The following RPL6 variants were observed in gnomAD, a reference collection of about 807,000 sequenced individuals.
RPL6 encodes the protein large ribosomal subunit protein eL6.
Under a neutral mutation model 32.1 loss-of-function variants are expected in RPL6, and 1 was observed. The observed-to-expected ratio is 0.03, with a 90% CI of 0.01 to 0.15. The LOEUF is 0.15. RPL6 is among the 10% of genes least tolerant of loss of function. RPL6 has a pLI of 1.00. For synonymous variants in RPL6, 126 were observed against 131.6 expected (o/e 0.96, Z 0.29); for missense variants, 275 against 354.6 (o/e 0.78, Z 1.80).
rs755018845 is a variant in RPL6, at chr12:112,405,265, C to A, written c.826G>T (p.Ala276Ser). ...TGAGGATAAATTCCATTCGTCAGAG[C>A]AAACACAGATCGCAGGTAGCCCTGG... ...QLQGYLRSVF[A>S]LTNGIYPHKL... Residue 276 changes from alanine (A) to serine (S), a missense_variant, in exon 7 of 7, where the codon GCT (alanine) becomes TCT (serine). Physicochemically the swap from Ala to Ser is moderately conservative, Grantham distance 99. Coordinates refer to ENST00000202773, the MANE Select transcript of RPL6 (RefSeq NM_000970.6). 3 of 1,605,860 alleles carry A rather than the reference C, an allele frequency of 1.9e-6. No individual in the cohort carries two copies. Among genetic ancestry groups the A allele is most frequent in the Non-Finnish European group, 2.5e-6 (3 of 1,177,716 alleles).
upstream of RPL6, among the ~76,000 whole-genome samples, chr12:112,415,284 A>C (rs2037393004): frequency 6.6e-6 from 1 of 152,210 alleles, no homozygotes; most frequent in Non-Finnish European, 1.5e-5. Flanking sequence ...CAGAGTTAAA[A>C]AAACTCTGGT....
At position 112,408,260 on chromosome 12, in the gene RPL6, C is replaced by A; in HGVS notation, c.316G>T (p.Val106Leu). The change falls in exon 3 of 7, where the codon GTG (valine) becomes TTG (leucine). Residue 106 changes from valine (V) to leucine (L), a missense_variant. Val to Leu is a conservative substitution (Grantham distance 32). Transcript: ENST00000202773. ...CTTACCATTTTGCGAAGTTTAACCA[C>A]CCGGGTACCGCCGTTCTTGTCACCA... ...VGGDKNGGTR[V>L]VKLRKMPRYY... 1 of 1,614,174 alleles carries A rather than the reference C, an allele frequency of 6.2e-7. No homozygotes were observed. The highest frequency in any genetic ancestry group is 8.5e-7 in the Non-Finnish European group (1 of 1,180,000).
upstream of RPL6, chr12:112,411,308 C>G (rs1409909235): frequency 6.6e-6 from 1 of 152,210 alleles, no homozygotes. Flanking sequence ...TACCTTCTAG[C>G]TTGCGTTTTC....
chr12:112,408,666 T>C lies in RPL6; in HGVS notation c.1-10A>G. On this transcript the variant is annotated splice_polypyrimidine_tract_variant and intron_variant, in intron 1 of 6. Transcript: ENST00000202773. ...CTTTTTCACCCGCCATCTAAAAATA[T>C]TTTTTTGTAGATAAAAAAAGGCATT... 6 of 1,559,704 alleles carry C rather than the reference T, an allele frequency of 3.8e-6. No individual in the cohort carries two copies. Among genetic ancestry groups the C allele is most frequent in the Non-Finnish European group, 5.1e-6 (6 of 1,165,580 alleles).
chr12:112,413,863 T>C, upstream of RPL6, among the ~76,000 whole-genome samples: 1 of 131,940 alleles, frequency 7.6e-6, no homozygotes, highest in Non-Finnish European at 1.6e-5. Context: ...CTGTCTGTAT[T>C]AAAAAAAAAA....
chr12:112,410,417 TA>T (rs1002271298), upstream of RPL6: 150 of 204,992 alleles, frequency 7.3e-4, no homozygotes, highest in African/African-American at 2.7e-3. Context: ...TTAAAAAAAG[TA>T]AAAAAAAATT....
rs751735315 is a variant in RPL6 at position 112,408,534 on chromosome 12, C to A, written c.123G>T (p.Lys41Asn). Reference sequence around the variant, plus strand: ...GGACAGGGTTGCGGCTGCAATGGGGCTTCCCCTTCTTGGGCTTTTTAGCTT... The same window carrying A: ...GGACAGGGTTGCGGCTGCAATGGGGATTCCCCTTCTTGGGCTTTTTAGCTT... ...NLKAKKPKKGKPHCSRNPVLV... is the reference protein window; with the variant it reads ...NLKAKKPKKGNPHCSRNPVLV... The change falls in exon 2 of 7, where the codon AAG becomes AAT. Residue 41 changes from lysine (K) to asparagine (N), a missense_variant. Physicochemically the swap from Lys to Asn is moderately conservative, Grantham distance 94 (BLOSUM62 0). Coordinates refer to ENST00000202773, the MANE Select transcript of RPL6 (RefSeq NM_000970.6). The A allele has an allele frequency of 2.5e-6, 4 of 1,611,398 alleles. No individual in the cohort carries two copies. The highest frequency in any genetic ancestry group is 1.3e-5 in the African/African-American group (1 of 74,932).
upstream of RPL6, among the ~76,000 whole-genome samples, chr12:112,413,619 T>C (rs1238078894): frequency 6.6e-6 from 1 of 152,096 alleles, no homozygotes; most frequent in Non-Finnish European, 1.5e-5. Flanking sequence ...GTTTTTGCTA[T>C]GTTGCCCAGG....
intron 6 of RPL6, chr12:112,405,625 A>G (rs2037138343): frequency 6.6e-6 from 4 of 608,478 alleles, no homozygotes; most frequent in Non-Finnish European, 8.5e-6. Flanking sequence ...TCCCAATACG[A>G]TGGTAGCAGT....
At position 112,406,851 on chromosome 12, in the gene RPL6, A is replaced by G; in HGVS notation, c.376T>C (p.Leu126=). The G allele has an allele frequency of 1.2e-6, 2 of 1,614,248 alleles. No homozygotes were observed. The highest frequency in any genetic ancestry group is 8.5e-7 in the Non-Finnish European group (1 of 1,180,038). Residue 126 remains leucine, a synonymous_variant, in exon 4 of 7, where the codon TTG becomes CTG. Transcript: ENST00000202773. ...CTGAAGGGTTTTTTGCCGTGGCTCAACAGCTTTCGAGGCACATCTTCAGTA... is the reference window on the plus strand; with the variant it reads ...CTGAAGGGTTTTTTGCCGTGGCTCAGCAGCTTTCGAGGCACATCTTCAGTA... The part of the protein sequence containing the change: ...YPTEDVPRKL[L]SHGKKPFSQH...
At chr12:112,412,025 G>A (rs1009602451), upstream of RPL6, among the ~76,000 whole-genome samples, 1 of 150,980 alleles carries the variant, frequency 6.6e-6, no homozygotes, top group African/African-American at 2.4e-5. Flanking sequence ...GATTACAGGT[G>A]CCCGCTACCA....
chr12:112,413,864 A>T (rs75550162), upstream of RPL6, among the ~76,000 whole-genome samples: 1 of 138,968 alleles, frequency 7.2e-6, no homozygotes, highest in Non-Finnish European at 1.6e-5. Context: ...TGTCTGTATT[A>T]AAAAAAAAAA....
At chr12:112,412,477 A>ATT (rs776015771), upstream of RPL6, among the ~76,000 whole-genome samples, 9 of 140,438 alleles carry the variant, frequency 6.4e-5, no homozygotes, top group African/African-American at 7.8e-5. Context: ...GCCCAGCCTA[A>ATT]TTTTTTTTTT....
upstream of RPL6, among the ~76,000 whole-genome samples, chr12:112,415,164 G>A (rs1441525461): frequency 1.3e-5 from 2 of 152,198 alleles, no homozygotes; most frequent in African/African-American, 4.8e-5. Flanking sequence ...AAGGCTCTAC[G>A]CTGGGAAAGA....
chr12:112,408,714 G>C (rs1406664143), intron 1 of RPL6, 58 bp from the exon 2 acceptor site: 2 of 1,425,646 alleles, frequency 1.4e-6, no homozygotes, highest in East Asian at 2.3e-5. Context: ...TCTCTAACAA[G>C]ACAATAATGA....
upstream of RPL6, chr12:112,410,273 C>CTAATCT (rs1210619945): frequency 7.7e-6 from 2 of 259,632 alleles, no homozygotes; most frequent in Non-Finnish European, 1.5e-5. Context: ...GCAGTGAACT[C>CTAATCT]TAATCTTGTC....
intron 1 of RPL6, among the ~76,000 whole-genome samples, chr12:112,417,894 G>A (rs1486800806): frequency 1.3e-5 from 2 of 151,932 alleles, no homozygotes; most frequent in Non-Finnish European, 2.9e-5. Flanking sequence ...CTGGACTCAA[G>A]CGATTCGCCC....
At chr12:112,406,968 T>C (rs2037189702) in intron 3 of RPL6, 78 bp from the exon 4 acceptor site, 8 of 1,441,262 alleles carry the variant, frequency 5.6e-6, no homozygotes, top group East Asian at 2.3e-5. Context: ...AGCCAAACTT[T>C]TGCTACAGCC....
At chr12:112,406,441 T>C in intron 4 of RPL6, 99 bp from the exon 5 acceptor site, 5 of 1,070,820 alleles carry the variant, frequency 4.7e-6, no homozygotes, top group Non-Finnish European at 5.7e-6. Flanking sequence ...AGGAAATTTC[T>C]ACATGTATAT....
Sources: gnomAD v4.1 joint callset for allele counts (sites outside exome capture counted in the v4.1 genomes callset) on GRCh38, gnomAD v4.1.1 for gene constraint, MANE v1.5 for transcripts, NCBI Gene and HGNC (gene_info 2026-07-23, HGNC 2026-07-21) for gene names.